The following DEF8 variants were observed in gnomAD, a reference collection of about 807,000 sequenced individuals.
The protein encoded by DEF8 is DEF-8.
In DEF8, 38 loss-of-function variants were observed where a neutral mutation model predicts 59.1. That is an observed-to-expected ratio of 0.64 (90% CI 0.50 to 0.84). The LOEUF is 0.84. Ranked by LOEUF, DEF8 falls within the 40% of genes least tolerant of loss-of-function variation. The pLI, the probability that DEF8 is intolerant of heterozygous loss-of-function variation, is 0.00. For synonymous variants in DEF8, 265 were observed against 250.1 expected, an observed-to-expected ratio of 1.06 and a Z score of -0.56; for missense variants, 557 against 615.2, an observed-to-expected ratio of 0.91 and a Z score of 1.00.
chr16:89,964,141 A>G (rs571867999), intron 10 of DEF8, 29 bp from the exon 11 acceptor site: 2 of 1,613,902 alleles, frequency 1.2e-6, no homozygotes, highest in African/African-American at 1.3e-5. Context: ...TCCCCGGTGC[A>G]GGGCGTCACG....
intron 9 of DEF8, 62 bp downstream of exon 9, chr16:89,962,187 G>A: frequency 7.0e-7 from 1 of 1,434,490 alleles, no homozygotes; most frequent in Non-Finnish European, 9.7e-7. Flanking sequence ...CCTAGGGCCG[G>A]GCCAGTACCC....
In DEF8 at chr16:89,951,348, G is replaced by A. The variant is rs574071875; in HGVS notation, c.-11+1835G>A. The stretch of plus-strand genomic sequence containing the variant: ...CTCGGCTCACCTCCTGGGTTCAAGC[G>A]ATTCTCCTGCCTCAGCCTCCCAAGT... On this transcript the variant is annotated intron_variant, in intron 2 of 12. Transcript: ENST00000563594. Among the ~76,000 whole-genome samples, 65 of 151,908 alleles carry A rather than the reference G, an allele frequency of 4.3e-4. 1 individual carries two copies. In the Middle Eastern group the frequency reaches 0.01, roughly 24 times the overall value.
chr16:89,963,810 C>A (rs535323394), intron 10 of DEF8: 2 of 487,672 alleles, frequency 4.1e-6, no homozygotes, highest in African/African-American at 3.9e-5. Flanking sequence ...GCCCTTAGTG[C>A]CTTTCAAGTA....
intron 9 of DEF8, 67 bp downstream of exon 9, chr16:89,962,192 G>C: frequency 7.1e-7 from 1 of 1,404,268 alleles, no homozygotes; most frequent in Non-Finnish European, 9.9e-7. Context: ...GGCCGGGCCA[G>C]TACCCTCTTC....
In DEF8 at chr16:89,949,763, C is replaced by A. The variant is rs534789922; in HGVS notation, c.-11+250C>A. On this transcript the variant is annotated intron_variant, in intron 2 of 12. Transcript: ENST00000563594. ...GGTCCTCCCCGATGAGAGCAGTGGG[C>A]TCTAGAGGAGGGGCAGGGGGTGGCC... The A allele has an allele frequency of 1.1e-5, 10 of 949,942 alleles. No homozygotes were observed. In the East Asian group the frequency reaches 2.1e-4, roughly 20 times the overall value. 58.8% of individuals were successfully genotyped at this position (949,942 alleles called of 1,614,324 possible). A position where few individuals can be genotyped will look rare whatever the true frequency, so the allele number is the denominator to read the frequency against.
intron 12 of DEF8, 26 bp downstream of exon 12, chr16:89,964,601 C>T (rs562131633): frequency 1.8e-5 from 27 of 1,525,666 alleles, no homozygotes; most frequent in South Asian, 3.6e-5. Context: ...GCCCCGCACT[C>T]GGGGGCTGGG....
chr16:89,951,465 G>A (rs564120527), intron 2 of DEF8, among the ~76,000 whole-genome samples: 4 of 152,094 alleles, frequency 2.6e-5, no homozygotes, highest in Non-Finnish European at 4.4e-5. Context: ...GGCTGGTCTC[G>A]AACTGCTCAC....
chr16:89,949,718 C>T, intron 2 of DEF8: 1 of 1,355,768 alleles, frequency 7.4e-7, no homozygotes, highest in South Asian at 1.3e-5. Flanking sequence ...CTTCGGCTTC[C>T]TTTCATTGCT....
intron 5 of DEF8, 83 bp downstream of exon 5, chr16:89,957,743 G>T: frequency 7.0e-7 from 1 of 1,434,174 alleles, no homozygotes; most frequent in Non-Finnish European, 9.2e-7. Flanking sequence ...CCAGCCTCTG[G>T]CTCTCTCTCA....
intron 2 of DEF8, among the ~76,000 whole-genome samples, chr16:89,951,122 C>A (rs2031973498): frequency 2.6e-5 from 4 of 152,188 alleles, no homozygotes; most frequent in Admixed American, 2.0e-4. Context: ...CCATTTGAGA[C>A]ATGGGAGAAT....
chr16:89,965,791 C>A, intron 12 of DEF8, 70 bp from the exon 13 acceptor site: 1 of 1,025,538 alleles, frequency 9.8e-7, no homozygotes, highest in Non-Finnish European at 1.5e-6. Context: ...AGGAGCTGAC[C>A]TAGGACGCTT....
At chr16:89,965,768 T>A in intron 12 of DEF8, 93 bp from the exon 13 acceptor site, 1 of 758,858 alleles carries the variant, frequency 1.3e-6, no homozygotes, top group South Asian at 1.7e-5. Flanking sequence ...GTAACGGCTG[T>A]AGAGGGGATG....
intron 4 of DEF8, 71 bp from the exon 5 acceptor site, chr16:89,957,440 C>A: frequency 6.7e-7 from 1 of 1,486,848 alleles, no homozygotes; most frequent in Non-Finnish European, 9.1e-7. Flanking sequence ...GGGCCTGTCT[C>A]GGCGGATGGG....
At chr16:89,957,811 G>A (rs1482099700) in intron 5 of DEF8, 151 bp downstream of exon 5, 6 of 910,776 alleles carry the variant, frequency 6.6e-6, no homozygotes, top group Admixed American at 6.1e-5. Context: ...AGACAGGCAG[G>A]GTGGAAGACG....
Position 89,957,685 on chromosome 16 carries a change from G to T in DEF8, c.372+25G>T, listed in dbSNP as rs748316515. The T allele has an allele frequency of 3.9e-6, 6 of 1,520,858 alleles. No individual in the cohort carries two copies. The South Asian group carries it at 7.6e-5, about 19-fold the overall frequency. The allele number at this position is 1,520,858 out of a possible 1,614,324, so 94.2% of individuals were successfully genotyped here. The stretch of plus-strand genomic sequence containing the variant: ...GGTGGGTGTGGGGCCGCCCCGCCGT[G>T]GGGCAGCCTGGGGCCGAGGCCAGAA... On this transcript the variant is annotated intron_variant, in intron 5 of 12. Transcript: ENST00000563594.
At chr16:89,949,989 T>G (rs2031700788) in intron 2 of DEF8, 1 of 1,034,970 alleles carries the variant, frequency 9.7e-7, no homozygotes. Flanking sequence ...CCCTCATTCA[T>G]CCCCTGCCCG....
rs781415444 is a variant in DEF8, at chr16:89,963,431, T to C, written c.990T>C (p.Arg330=). 2 of 1,613,516 alleles carry C rather than the reference T, an allele frequency of 1.2e-6. No individual in the cohort carries two copies. The highest frequency in any genetic ancestry group is 2.2e-5 in the East Asian group (1 of 44,854). The part of the protein sequence containing the change: ...FITCREAMEA[R]LLLQLQDRQH... ...CCTGCAGGGAGGCCATGGAGGCTCG[T>C]CTGCTGCTGCAGGTCAGACTGCCAG... Residue 330 remains arginine (R), a synonymous_variant, in exon 10 of 13, where the codon CGT becomes CGC. Coordinates refer to ENST00000563594, the MANE Select transcript of DEF8 (RefSeq NM_001242818.2).
intron 9 of DEF8, 35 bp from the exon 10 acceptor site, chr16:89,963,328 C>T (rs1197605745): frequency 5.0e-6 from 8 of 1,601,330 alleles, no homozygotes; most frequent in Non-Finnish European, 6.8e-6. Context: ...TGTGTCCTGG[C>T]TGAGGAGGCC....
At position 89,949,059 on chromosome 16, in the gene DEF8, G is replaced by C. The variant is rs1450852536; in HGVS notation, c.-108+245G>C. On this transcript the variant is annotated intron_variant, in intron 1 of 12. Coordinates refer to ENST00000563594, the MANE Select transcript of DEF8 (RefSeq NM_001242818.2). Reference sequence around the variant, plus strand: ...ACGGGGTCGGCGGGGTCGGGGCTGGGAGGGACGGGGCCGGCGGGGACGGGG... The same window carrying C: ...ACGGGGTCGGCGGGGTCGGGGCTGGCAGGGACGGGGCCGGCGGGGACGGGG... Among the ~76,000 whole-genome samples, 59 of 73,682 alleles carry C rather than the reference G, an allele frequency of 8.0e-4. 7 individuals carry two copies. In the African/African-American group the frequency reaches 9.4e-3, roughly 12 times the overall value. The allele number at this position is 73,682 out of a possible 152,430, so 48.3% of individuals were successfully genotyped here.
Sources: gnomAD v4.1 joint callset for allele counts (sites outside exome capture counted in the v4.1 genomes callset) on GRCh38, gnomAD v4.1.1 for gene constraint, MANE v1.5 for transcripts, NCBI Gene and HGNC (gene_info 2026-07-23, HGNC 2026-07-21) for gene names.